CHD5: variants seen among roughly 807,000 people sequenced by gnomAD.
The protein encoded by CHD5 is chromodomain helicase DNA binding protein 5.
Under a neutral mutation model 230.3 loss-of-function variants are expected in CHD5, and 69 were observed. That is an observed-to-expected ratio of 0.30 (90% CI 0.25 to 0.37). The LOEUF is 0.37. Ranked by LOEUF, CHD5 falls within the 10% of genes least tolerant of loss-of-function variation. CHD5 has a pLI of 1.00. For synonymous variants in CHD5, 1,064 were observed against 1,065.9 expected (o/e 1.00, Z 0.03); for missense variants, 1,827 against 2,622.8 (o/e 0.70, Z 6.63).
In CHD5 at chr1:6,167,944, A is replaced by C. The variant is rs1667280562; in HGVS notation, c.207+206T>G. On this transcript the variant is annotated intron_variant, in intron 2 of 41. Transcript: ENST00000262450. The surrounding 1 kb of genome is among the most constrained non-coding windows in gnomAD (Gnocchi z 4.5). ...ATGACGCTCCGACATCCTGCTCCGG[A>C]AACAGGACAGCTCAGCAACGTCTTA... Among the ~76,000 whole-genome samples, 1 of 152,186 alleles carries C rather than the reference A, an allele frequency of 6.6e-6. No homozygotes were observed. Among genetic ancestry groups the C allele is most frequent in the African/African-American group, 2.4e-5 (1 of 41,434 alleles).
intron 13 of CHD5, among the ~76,000 whole-genome samples, 157 bp downstream of exon 13, chr1:6,143,666 C>A (rs1666865250): frequency 6.6e-6 from 1 of 152,172 alleles, no homozygotes; most frequent in African/African-American, 2.4e-5. Context: ...GAGGGGCCTT[C>A]CAGCTGTCCT....
chr1:6,102,845 G>A lies in CHD5; in HGVS notation c.*2629C>T, dbSNP rs1463777175. 1 of 152,320 alleles carries A rather than the reference G, an allele frequency of 6.6e-6. No homozygotes were observed. Among genetic ancestry groups the A allele is most frequent in the Non-Finnish European group, 1.5e-5 (1 of 68,048 alleles). The allele number at this position is 152,320 out of a possible 1,614,324, so 9.4% of individuals were successfully genotyped here. ...CGCTGCTTCTGCCTCAGGCGTGTAT[G>A]AGAGGGCCCTGCAGACGTGCTCACT... On this transcript the variant is annotated 3_prime_UTR_variant, in exon 42 of 42. Coordinates refer to ENST00000262450, the MANE Select transcript of CHD5 (RefSeq NM_015557.3).
intron 35 of CHD5, 85 bp from the exon 36 acceptor site, chr1:6,111,968 T>G: frequency 7.1e-7 from 1 of 1,411,976 alleles, no homozygotes. Context: ...CCCTCCCTAC[T>G]TGCCACTGCC....
At chr1:6,168,695 G>A (rs1258644802) in intron 1 of CHD5, among the ~76,000 whole-genome samples, 2 of 152,146 alleles carry the variant, frequency 1.3e-5, no homozygotes, top group African/African-American at 2.4e-5. Flanking sequence ...TCCAGAGAGA[G>A]GACCACAGTG....
chr1:6,154,902 TAGGGGGAGAGGCAGG>T lies in CHD5; in HGVS notation c.507-19_507-5del, dbSNP rs765330581. On this transcript the variant is annotated splice_region_variant and splice_polypyrimidine_tract_variant and intron_variant, in intron 4 of 41. Transcript: ENST00000262450. This position sits in a 1 kb window ranked among gnomAD's most constrained non-coding sequence, Gnocchi z 7.0. ...GTTCTTCTTGGCAATGAGTGGCCTG[TAGGGGGAGAGGCAGG>T]AGGGTGAGGGCAAGGCCAGGTGAGA... 1 of 1,612,352 alleles carries T rather than the reference TAGGGGGAGAGGCAGG, an allele frequency of 6.2e-7. No individual in the cohort carries two copies. Among genetic ancestry groups the T allele is most frequent in the East Asian group, 2.2e-5 (1 of 44,840 alleles).
rs146952646 is a variant in CHD5 at position 6,167,812 on chromosome 1, G to A, written c.207+338C>T. Among the ~76,000 whole-genome samples the A allele has an allele frequency of 5.8e-4, 89 of 152,230 alleles. No homozygotes were observed. In the Middle Eastern group the frequency reaches 0.014, roughly 23 times the overall value. On this transcript the variant is annotated intron_variant, in intron 2 of 41. Transcript: ENST00000262450. The surrounding 1 kb of genome is among the most constrained non-coding windows in gnomAD (Gnocchi z 4.5). ...TCATCAGGTTTCAGTTTAGAGGGACGGAGTCAGCTACAGAGCAGGGAGTGG... is the reference window on the plus strand; with the variant it reads ...TCATCAGGTTTCAGTTTAGAGGGACAGAGTCAGCTACAGAGCAGGGAGTGG...
chr1:6,122,963 G>A (rs746802604), intron 31 of CHD5, among the ~76,000 whole-genome samples: 14 of 151,920 alleles, frequency 9.2e-5, no homozygotes, highest in Admixed American at 3.3e-4. Context: ...CCAGCTACTC[G>A]GGAAGCTGAG....
intron 33 of CHD5, among the ~76,000 whole-genome samples, chr1:6,116,991 A>C (rs1043373374): frequency 2.6e-5 from 4 of 152,260 alleles, no homozygotes; most frequent in Admixed American, 2.0e-4. Context: ...AGTGAGTTAG[A>C]GCTAAAGCTA....
In CHD5 at chr1:6,136,834, A is replaced by G; in HGVS notation, c.2468T>C (p.Leu823Pro). 1 of 1,611,882 alleles carries G rather than the reference A, an allele frequency of 6.2e-7. No homozygotes were observed. The highest frequency in any genetic ancestry group is 8.5e-7 in the Non-Finnish European group (1 of 1,178,442). ...KEVQIKFHVL[L>P]TSYELITIDQ... ...AATGGTGATGAGCTCATAGGAGGTG[A>G]GCAGCACGTGGAATTTGATCTGCAC... Residue 823 changes from leucine (L) to proline (P), a missense_variant, in exon 16 of 42, where the codon CTC becomes CCC. Leu to Pro is a moderately conservative substitution (Grantham distance 98). Around this residue, in one of 14 missense-constraint regions of CHD5, gnomAD observed 80 missense variants for 96.4 expected, o/e 0.83. Transcript: ENST00000262450.
rs767897381 is a variant in CHD5 at position 6,121,084 on chromosome 1, T to C, written c.4912+21A>G. Reference sequence around the variant, plus strand: ...AGGCCAGACATGGCACTGGGGTGGGTGGCCTGCAAGAAGCCCCAACCTCTC... The same window carrying C: ...AGGCCAGACATGGCACTGGGGTGGGCGGCCTGCAAGAAGCCCCAACCTCTC... On this transcript the variant is annotated intron_variant, in intron 33 of 41. Coordinates refer to ENST00000262450, the MANE Select transcript of CHD5 (RefSeq NM_015557.3). This position sits in a 1 kb window ranked among gnomAD's most constrained non-coding sequence, Gnocchi z 4.5. The C allele has an allele frequency of 6.4e-7, 1 of 1,569,406 alleles. No individual in the cohort carries two copies. Among genetic ancestry groups the C allele is most frequent in the Admixed American group, 1.9e-5 (1 of 53,322 alleles).
At position 6,105,469 on chromosome 1, in the gene CHD5, T is replaced by C. The variant is rs767114315; in HGVS notation, c.*47-42A>G. On this transcript the variant is annotated intron_variant, in intron 41 of 41. Transcript: ENST00000262450. This position sits in a 1 kb window ranked among gnomAD's most constrained non-coding sequence, Gnocchi z 4.8. ...AGTGGGTTAAGCAGGTGGGCAGTTA[T>C]AGGGGGCATCAGGGTGGCACCCAAC... The C allele has an allele frequency of 1.1e-4, 52 of 465,552 alleles. No homozygotes were observed. The highest frequency in any genetic ancestry group is 8.2e-4 in the South Asian group (52 of 63,662). 28.8% of individuals were successfully genotyped at this position (465,552 alleles called of 1,614,324 possible).
intron 1 of CHD5, among the ~76,000 whole-genome samples, chr1:6,170,090 T>A (rs1450375827): frequency 6.6e-6 from 1 of 152,054 alleles, no homozygotes; most frequent in Non-Finnish European, 1.5e-5. Flanking sequence ...CGAGGAAGTT[T>A]TTGATCATAA....
chr1:6,162,940 G>A (rs1439529707), intron 2 of CHD5, among the ~76,000 whole-genome samples: 1 of 152,204 alleles, frequency 6.6e-6, no homozygotes, highest in African/African-American at 2.4e-5. Flanking sequence ...GGGAGACCAG[G>A]AGTGGCGGCC....
At chr1:6,157,998 C>T (rs909825574) in intron 3 of CHD5, among the ~76,000 whole-genome samples, 4 of 152,240 alleles carry the variant, frequency 2.6e-5, no homozygotes, top group African/African-American at 9.6e-5. Flanking sequence ...CCTCACCCAA[C>T]AGCAACTGTA....
Position 6,154,999 on chromosome 1 carries a change from T to C in CHD5, c.507-101A>G, listed in dbSNP as rs1667059505. Reference sequence around the variant, plus strand: ...ACCCCTCTGCCACATGTGCGATCTATGGCAGCAGCCCCAGGTTCCTGATTA... The same window carrying C: ...ACCCCTCTGCCACATGTGCGATCTACGGCAGCAGCCCCAGGTTCCTGATTA... On this transcript the variant is annotated intron_variant, in intron 4 of 41. Coordinates refer to ENST00000262450, the MANE Select transcript of CHD5 (RefSeq NM_015557.3). The surrounding 1 kb of genome is among the most constrained non-coding windows in gnomAD (Gnocchi z 7.0). 2.9e-6 allele frequency: 3 copies of C among 1,046,804 alleles called. No homozygotes were observed. The Admixed American group carries it at 7.1e-5, about 25-fold the overall frequency. 64.8% of individuals were successfully genotyped at this position (1,046,804 alleles called of 1,614,324 possible).
Position 6,134,402 on chromosome 1 carries a change from G to T in CHD5, c.3013-143C>A. The T allele has an allele frequency of 9.5e-7, 1 of 1,053,592 alleles. No homozygotes were observed. The highest frequency in any genetic ancestry group is 1.4e-6 in the Non-Finnish European group (1 of 723,668). The allele number at this position is 1,053,592 out of a possible 1,614,324, so 65.3% of individuals were successfully genotyped here. Reference sequence around the variant, plus strand: ...CACTGAACATGAGACCCACACCCGAGCCAGGCCAGGCCCCACAGTGCGGGG... The same window carrying T: ...CACTGAACATGAGACCCACACCCGATCCAGGCCAGGCCCCACAGTGCGGGG... On this transcript the variant is annotated intron_variant, in intron 19 of 41. Coordinates refer to ENST00000262450, the MANE Select transcript of CHD5 (RefSeq NM_015557.3). This position sits in a 1 kb window ranked among gnomAD's most constrained non-coding sequence, Gnocchi z 6.3.
In CHD5 at chr1:6,166,678, C is replaced by G. The variant is rs572711976; in HGVS notation, c.207+1472G>C. ...GGCTGCAGGTAGAGTTCAGAGCCCCCCAAAATGCCTCCAAGTACCCGAACA... is the reference window on the plus strand; with the variant it reads ...GGCTGCAGGTAGAGTTCAGAGCCCCGCAAAATGCCTCCAAGTACCCGAACA... On this transcript the variant is annotated intron_variant, in intron 2 of 41. Coordinates refer to ENST00000262450, the MANE Select transcript of CHD5 (RefSeq NM_015557.3). Among the ~76,000 whole-genome samples, 399 of 151,800 alleles carry G rather than the reference C, an allele frequency of 2.6e-3. 4 individuals are homozygous for G. The highest frequency in any genetic ancestry group is 9.2e-3 in the African/African-American group (378 of 41,216).
intron 31 of CHD5, among the ~76,000 whole-genome samples, chr1:6,123,700 T>C (rs1236997267): frequency 1.0e-4 from 5 of 49,216 alleles, no homozygotes; most frequent in Non-Finnish European, 4.0e-4. Context: ...AGTGCTGTGA[T>C]TAACAGGTGT....
rs534012748 is a variant in CHD5, at chr1:6,161,882, G to C, written c.208-2367C>G. Among the ~76,000 whole-genome samples, 9 of 152,340 alleles carry C rather than the reference G, an allele frequency of 5.9e-5. No homozygotes were observed. In the South Asian group the frequency reaches 6.2e-4, roughly 11 times the overall value. On this transcript the variant is annotated intron_variant, in intron 2 of 41. Coordinates refer to ENST00000262450, the MANE Select transcript of CHD5 (RefSeq NM_015557.3). ...CCCTGGGTGGCCTTCAGCTGCTAGA[G>C]AGCAAACCCCACAAACCTACCGAGG...
Sources: gnomAD v4.1 joint callset for allele counts (sites outside exome capture counted in the v4.1 genomes callset) on GRCh38, gnomAD v4.1.1 for gene constraint, gnomAD v4.1.1 regional missense constraint, Gnocchi (gnomAD v3.1) non-coding constraint, MANE v1.5 for transcripts, NCBI Gene and HGNC (gene_info 2026-07-23, HGNC 2026-07-21) for gene names.